Variants in NXPE1 observed in about 807,000 individuals in gnomAD.
NXPE1 encodes neurexophilin and PC-esterase domain family member 1.
In NXPE1, 31 loss-of-function variants were observed where a neutral mutation model predicts 33.3. That is an observed-to-expected ratio of 0.93 (90% CI 0.70 to 1.26). NXPE1 has a LOEUF of 1.26. NXPE1 is among the 50% of genes most tolerant of loss of function. The pLI, the probability that NXPE1 is intolerant of heterozygous loss-of-function variation, is 0.00. For missense variants in NXPE1, 661 were observed against 655.6 expected (o/e 1.01, Z -0.09); for synonymous variants, 229 against 231.4 (o/e 0.99, Z 0.09).
At chr11:114,531,627 A>T (rs1284426874) in intron 5 of NXPE1, among the ~76,000 whole-genome samples, 1 of 152,042 alleles carries the variant, frequency 6.6e-6, no homozygotes, top group African/African-American at 2.4e-5. Context: ...TTTCAACTCT[A>T]CTTCTTGCTA....
At chr11:114,552,591 G>T (rs115081022) in intron 2 of NXPE1, among the ~76,000 whole-genome samples, 6 of 151,204 alleles carry the variant, frequency 4.0e-5, no homozygotes, top group Middle Eastern at 3.4e-3. Flanking sequence ...CAAAGAAGAA[G>T]AAATCAATCA....
chr11:114,519,455 C>G (rs1269324077), downstream of NXPE1, among the ~76,000 whole-genome samples: 2 of 152,128 alleles, frequency 1.3e-5, no homozygotes, highest in Non-Finnish European at 2.9e-5. Context: ...AGTCTCTTTC[C>G]TCAAGATGTT....
At chr11:114,537,976 T>A (rs1947907351) in intron 5 of NXPE1, among the ~76,000 whole-genome samples, 1 of 152,120 alleles carries the variant, frequency 6.6e-6, no homozygotes, top group South Asian at 2.1e-4. Flanking sequence ...GCCAAGTCAA[T>A]CCTAAGCCAA....
chr11:114,523,134 T>C, intron 7 of NXPE1, 43 bp from the exon 8 acceptor site: 3 of 1,388,362 alleles, frequency 2.2e-6, no homozygotes, highest in Non-Finnish European at 3.1e-6. Flanking sequence ...TGGCAAAACT[T>C]AGACATCTAG....
chr11:114,522,774 A>G, intron 8 of NXPE1, 105 bp downstream of exon 8: 1 of 797,622 alleles, frequency 1.3e-6, no homozygotes, highest in Non-Finnish European at 2.0e-6. Flanking sequence ...CCAGAGAGCC[A>G]AATGAAGTAA....
intron 5 of NXPE1, among the ~76,000 whole-genome samples, chr11:114,540,099 A>T (rs1387681146): frequency 6.6e-6 from 1 of 152,146 alleles, no homozygotes; most frequent in African/African-American, 2.4e-5. Context: ...GGGATTACAG[A>T]CGCCTGCCAT....
chr11:114,538,125 C>A (rs1947918139), intron 5 of NXPE1, among the ~76,000 whole-genome samples: 1 of 152,242 alleles, frequency 6.6e-6, no homozygotes, highest in South Asian at 2.1e-4. Context: ...AATAATGCCA[C>A]ATATCTACAA....
intron 7 of NXPE1, chr11:114,526,612 T>C (rs1353888733): frequency 1.3e-5 from 2 of 152,226 alleles, no homozygotes; most frequent in African/African-American, 4.8e-5. Flanking sequence ...AGGTTCTTCC[T>C]CTCTTTCTAG....
chr11:114,532,267 C>T (rs1947612904), intron 5 of NXPE1, among the ~76,000 whole-genome samples: 1 of 152,074 alleles, frequency 6.6e-6, no homozygotes, highest in Non-Finnish European at 1.5e-5. Flanking sequence ...TTGAAAAAAC[C>T]TTGGCAAAGC....
chr11:114,547,103 T>TG (rs1203050665), intron 5 of NXPE1, among the ~76,000 whole-genome samples: 1 of 152,144 alleles, frequency 6.6e-6, no homozygotes, highest in African/African-American at 2.4e-5. Flanking sequence ...ATTGACCTAG[T>TG]GACCTCTTTT....
At chr11:114,541,051 T>A (rs1027847828) in intron 5 of NXPE1, among the ~76,000 whole-genome samples, 26 of 151,892 alleles carry the variant, frequency 1.7e-4, no homozygotes, top group African/African-American at 5.8e-4. Flanking sequence ...CCCAAAGCAA[T>A]CTGCAGCTAG....
At chr11:114,557,720 A>G (rs1565320829) in intron 1 of NXPE1, among the ~76,000 whole-genome samples, 2 of 139,674 alleles carry the variant, frequency 1.4e-5, no homozygotes, top group Admixed American at 7.5e-5. Flanking sequence ...CTTCTTTTTC[A>G]TTCTTCTTTG....
chr11:114,533,410 A>G (rs906747259), intron 5 of NXPE1, among the ~76,000 whole-genome samples: 1 of 152,198 alleles, frequency 6.6e-6, no homozygotes, highest in African/African-American at 2.4e-5. Flanking sequence ...TACTTGGTTC[A>G]TCTCATGGGG....
At chr11:114,546,471 CTT>C (rs57557121) in intron 5 of NXPE1, among the ~76,000 whole-genome samples, 34,245 of 145,846 alleles carry the variant, frequency 0.23, 5,574 homozygotes, top group African/African-American at 0.46. Context: ...TTTTCTTTTT[CTT>C]TTTTTTTTTT....
At chr11:114,558,060 C>T (rs765886412) in intron 1 of NXPE1, among the ~76,000 whole-genome samples, 3 of 152,052 alleles carry the variant, frequency 2.0e-5, no homozygotes, top group Non-Finnish European at 2.9e-5. Context: ...TGCTCTCTGA[C>T]GCTTAACAGA....
intron 1 of NXPE1, among the ~76,000 whole-genome samples, chr11:114,558,922 T>C (rs1156767370): frequency 6.6e-6 from 1 of 152,182 alleles, no homozygotes; most frequent in African/African-American, 2.4e-5. Flanking sequence ...TGTAGGGAAT[T>C]AAATAGACTT....
intron 5 of NXPE1, among the ~76,000 whole-genome samples, chr11:114,536,199 A>G (rs986846509): frequency 6.6e-6 from 1 of 152,248 alleles, no homozygotes. Flanking sequence ...ACATAATGAA[A>G]TGAAGGCAGA....
chr11:114,558,958 A>C (rs1336034030), intron 1 of NXPE1, among the ~76,000 whole-genome samples: 1 of 152,218 alleles, frequency 6.6e-6, no homozygotes, highest in Non-Finnish European at 1.5e-5. Context: ...TGAAATGGTT[A>C]AGAAACATGT....
intron 5 of NXPE1, among the ~76,000 whole-genome samples, 191 bp downstream of exon 5, chr11:114,550,912 A>G (rs1948457137): frequency 6.6e-6 from 1 of 152,162 alleles, no homozygotes; most frequent in Admixed American, 6.5e-5. Context: ...ACTGAGGATG[A>G]ATGGGAAATG....
Sources: gnomAD v4.1 joint callset for allele counts (sites outside exome capture counted in the v4.1 genomes callset) on GRCh38, gnomAD v4.1.1 for gene constraint, MANE v1.5 for transcripts, NCBI Gene and HGNC (gene_info 2026-07-23, HGNC 2026-07-21) for gene names.